HGD: variants seen among roughly 807,000 people sequenced by gnomAD.
HGD encodes homogentisate 1,2-dioxygenase, also known as homogentisate oxidase.
HGD carries 61 observed loss-of-function variants against 60.8 expected under a neutral mutation model. That is an observed-to-expected ratio of 1.00 (90% CI 0.82 to 1.24). HGD has a LOEUF of 1.24. HGD is among the 50% of genes most tolerant of loss of function. The pLI is 0.00. For missense variants in HGD, 542 were observed against 547.1 expected, an observed-to-expected ratio of 0.99 and a Z score of 0.09; for synonymous variants, 212 against 187.7, an observed-to-expected ratio of 1.13 and a Z score of -1.06.
chr3:120,670,608 A>G (rs911783777), intron 3 of HGD, 76 bp from the exon 4 acceptor site: 1 of 859,464 alleles, frequency 1.2e-6, no homozygotes, highest in East Asian at 2.4e-5. Flanking sequence ...CTCAGGCAGT[A>G]CCATCAGGAA....
At chr3:120,646,236 C>A (rs376223608) in intron 9 of HGD, 31 bp downstream of exon 9, 6 of 1,307,934 alleles carry the variant, frequency 4.6e-6, no homozygotes, top group East Asian at 2.3e-5. Flanking sequence ...ACATCTCAAG[C>A]GAGGCTTAGA....
chr3:120,641,821 T>A (rs1435223129), intron 10 of HGD, 128 bp from the exon 11 acceptor site: 1 of 738,802 alleles, frequency 1.4e-6, no homozygotes, highest in African/African-American at 1.7e-5. Flanking sequence ...AATTTTACCG[T>A]CCTTTGGGAG....
chr3:120,666,999 G>T (rs1449057841), intron 4 of HGD, among the ~76,000 whole-genome samples: 1 of 152,022 alleles, frequency 6.6e-6, no homozygotes, highest in East Asian at 1.9e-4. Flanking sequence ...CAATACTTTT[G>T]GGTTTTTATA....
At position 120,647,870 on chromosome 3, in the gene HGD, A is replaced by T; in HGVS notation, c.469+7T>A. The T allele has an allele frequency of 4.3e-6, 7 of 1,609,690 alleles. No homozygotes were observed. Among genetic ancestry groups the T allele is most frequent in the Non-Finnish European group, 6.0e-6 (7 of 1,175,894 alleles). On this transcript the variant is annotated splice_region_variant and intron_variant, in intron 7 of 13. Coordinates refer to ENST00000283871, the MANE Select transcript of HGD (RefSeq NM_000187.4). ...CAGTGAGGGGGTCTGAAGTCTTCAG[A>T]ACTCACCAATCAAGAAGTCCCCATC...
chr3:120,673,031 A>G (rs1284992691), intron 3 of HGD, among the ~76,000 whole-genome samples: 1 of 152,180 alleles, frequency 6.6e-6, no homozygotes, highest in African/African-American at 2.4e-5. Flanking sequence ...GCTATGGTTC[A>G]GATGAGTAGT....
At chr3:120,649,891 TG>T (rs987579763) in intron 6 of HGD, among the ~76,000 whole-genome samples, 1 of 152,190 alleles carries the variant, frequency 6.6e-6, no homozygotes, top group African/African-American at 2.4e-5. Context: ...TGAAACACTG[TG>T]GAGTCCTGCC....
chr3:120,631,952 T>C (rs911084638), intron 13 of HGD, among the ~76,000 whole-genome samples: 4 of 152,160 alleles, frequency 2.6e-5, no homozygotes, highest in Admixed American at 2.0e-4. Context: ...CAAAGCCAAA[T>C]TGGGGGACCA....
chr3:120,636,115 A>AC (rs1940766398), intron 12 of HGD, among the ~76,000 whole-genome samples: 1 of 65,518 alleles, frequency 1.5e-5, no homozygotes, highest in Non-Finnish European at 3.1e-5. Flanking sequence ...TACTAACAAT[A>AC]CAAAAAAAAA....
chr3:120,655,688 C>A (rs1159831337), intron 4 of HGD, among the ~76,000 whole-genome samples: 1 of 152,154 alleles, frequency 6.6e-6, no homozygotes, highest in Non-Finnish European at 1.5e-5. Context: ...TCTACTAAAG[C>A]CAGCTGCAGC....
At chr3:120,630,776 G>A (rs1231752750) in intron 13 of HGD, among the ~76,000 whole-genome samples, 3 of 123,880 alleles carry the variant, frequency 2.4e-5, no homozygotes, top group African/African-American at 1.0e-4. Context: ...TTGACAAATG[G>A]ATCTAATTAA....
rs371972791 is a variant in HGD at position 120,682,122 on chromosome 3, C to T, written c.-11G>A. The T allele has an allele frequency of 8.5e-5, 137 of 1,613,828 alleles. 1 individual carries two copies. In the Admixed American group the frequency reaches 1.6e-3, roughly 19 times the overall value. On this transcript the variant is annotated 5_prime_UTR_variant, in exon 1 of 14. Transcript: ENST00000283871. ...CTTTAACTCAGCCATTTTCTCTCTC[C>T]TCTATGTGTGGTGACTTCAGGAAAC...
At chr3:120,649,556 T>G (rs1395653493) in intron 6 of HGD, among the ~76,000 whole-genome samples, 4 of 152,160 alleles carry the variant, frequency 2.6e-5, no homozygotes, top group Admixed American at 1.3e-4. Context: ...TCTCCCCAAA[T>G]TTAGCTCAGT....
At chr3:120,628,611 T>C in intron 13 of HGD, 82 bp from the exon 14 acceptor site, 1 of 1,461,056 alleles carries the variant, frequency 6.8e-7, no homozygotes, top group East Asian at 2.3e-5. Context: ...ACAGAAGGTA[T>C]GGGTAGGTGA....
intron 4 of HGD, among the ~76,000 whole-genome samples, chr3:120,666,425 T>C (rs961231550): frequency 6.6e-6 from 1 of 152,048 alleles, no homozygotes; most frequent in Non-Finnish European, 1.5e-5. Context: ...GGGGAACAAA[T>C]ATGGGCTGAG....
intron 12 of HGD, among the ~76,000 whole-genome samples, chr3:120,635,873 C>G (rs528019009): frequency 6.6e-6 from 1 of 152,234 alleles, no homozygotes; most frequent in African/African-American, 2.4e-5. Context: ...TCAGATGACT[C>G]TATTATTCCT....
chr3:120,644,659 TA>T, intron 9 of HGD: 1 of 1,505,576 alleles, frequency 6.6e-7, no homozygotes, highest in Non-Finnish European at 8.9e-7. Flanking sequence ...CATTACTTTC[TA>T]AGGTTGTGGA....
chr3:120,673,496 A>G lies in HGD; in HGVS notation c.176+1405T>C, dbSNP rs149520996. Among the ~76,000 whole-genome samples, 505 of 143,902 alleles carry G rather than the reference A, an allele frequency of 3.5e-3. 4 individuals are homozygous for G. The highest frequency in any genetic ancestry group is 0.01 in the Middle Eastern group (3 of 288). 94.4% of individuals were successfully genotyped at this position (143,902 alleles called of 152,430 possible). A position where few individuals can be genotyped will look rare whatever the true frequency, so the allele number is the denominator to read the frequency against. On this transcript the variant is annotated intron_variant, in intron 3 of 13. Coordinates refer to ENST00000283871, the MANE Select transcript of HGD (RefSeq NM_000187.4). ...ATTATCTGCGTGCTTATCTTACCCT[A>G]TTTGGGCTTACAGAGAGAGAGAGAG...
chr3:120,641,748 T>C, intron 10 of HGD, 55 bp from the exon 11 acceptor site: 2 of 1,129,596 alleles, frequency 1.8e-6, no homozygotes, highest in East Asian at 4.7e-5. Context: ...TTTGTAGCTG[T>C]GATCCCACAA....
Position 120,628,483 on chromosome 3 carries a change from C to T in HGD, c.1235G>A (p.Gly412Glu), listed in dbSNP as rs1940487875. ...ATCCAAACACCTGGAGGCCTTGAGT[C>T]CCCACTTTGTGACCGCCAGACTTAA... ...SSLSLAVTKW[G>E]LKASRCLDEN... Residue 412 changes from glycine to glutamate, a missense_variant, in exon 14 of 14, where the codon GGA becomes GAA. Physicochemically the swap from Gly to Glu is moderately conservative, Grantham distance 98 (BLOSUM62 -2). Around this residue, in one of 2 missense-constraint regions of HGD, gnomAD observed 537 missense variants for 529.1 expected, o/e 1.01. Transcript: ENST00000283871. 6.2e-7 allele frequency: 1 copy of T among 1,613,894 alleles called. No homozygotes were observed. The highest frequency in any genetic ancestry group is 1.3e-5 in the African/African-American group (1 of 74,888).
Sources: gnomAD v4.1 joint callset for allele counts (sites outside exome capture counted in the v4.1 genomes callset) on GRCh38, gnomAD v4.1.1 for gene constraint, gnomAD v4.1.1 regional missense constraint, MANE v1.5 for transcripts, NCBI Gene and HGNC (gene_info 2026-07-23, HGNC 2026-07-21) for gene names.